The following TNPO3 variants were observed in gnomAD, a reference collection of about 807,000 sequenced individuals.
TNPO3 encodes the protein transportin 3.
In TNPO3, 65 loss-of-function variants were observed where a neutral mutation model predicts 122.8. The ratio of observed to expected loss-of-function variants is 0.53; its 90% CI spans 0.43 to 0.65. The LOEUF (loss-of-function observed/expected upper bound fraction) is 0.65. Ranked by LOEUF, TNPO3 falls within the 30% of genes least tolerant of loss-of-function variation. The pLI is 0.00. For missense variants in TNPO3, 850 were observed against 1,136.7 expected (o/e 0.75, Z 3.63); for synonymous variants, 372 against 411.2 (o/e 0.90, Z 1.15).
At chr7:128,982,682 T>C (rs1799749926) in intron 13 of TNPO3, among the ~76,000 whole-genome samples, 1 of 152,044 alleles carries the variant, frequency 6.6e-6, no homozygotes, top group African/African-American at 2.4e-5. Flanking sequence ...ATGTAAAAGA[T>C]TATATATTTA....
chr7:129,034,501 G>A (rs1472373766), intron 1 of TNPO3, among the ~76,000 whole-genome samples: 2 of 152,054 alleles, frequency 1.3e-5, no homozygotes, highest in Non-Finnish European at 2.9e-5. Flanking sequence ...GCAAGACCCT[G>A]TCTTGGAAAA....
intron 1 of TNPO3, among the ~76,000 whole-genome samples, chr7:129,053,351 C>T (rs1001325131): frequency 3.4e-5 from 5 of 148,084 alleles, no homozygotes; most frequent in African/African-American, 1.0e-4. Context: ...AAAAATTAGT[C>T]GGGTGTCAGG....
At chr7:129,027,584 A>C (rs566674537) in intron 1 of TNPO3, among the ~76,000 whole-genome samples, 2,365 of 136,576 alleles carry the variant, frequency 0.017, 88 homozygotes, top group Non-Finnish European at 0.026. Context: ...AAAAAAAAAA[A>C]AAAAAAACAA....
At chr7:129,031,102 C>G (rs1456700331) in intron 1 of TNPO3, among the ~76,000 whole-genome samples, 1 of 151,998 alleles carries the variant, frequency 6.6e-6, no homozygotes, top group Non-Finnish European at 1.5e-5. Context: ...CTGGCCAACA[C>G]GTTGAAACCC....
At chr7:129,031,020 A>G (rs1283330082) in intron 1 of TNPO3, among the ~76,000 whole-genome samples, 1 of 152,256 alleles carries the variant, frequency 6.6e-6, no homozygotes, top group Non-Finnish European at 1.5e-5. Flanking sequence ...GCAGTGGCTC[A>G]TGCCTGTTAA....
At chr7:129,043,949 T>C (rs1807710024) in intron 1 of TNPO3, among the ~76,000 whole-genome samples, 1 of 152,242 alleles carries the variant, frequency 6.6e-6, no homozygotes, top group African/African-American at 2.4e-5. Context: ...TATTTCTGCC[T>C]ACCTGCTCAG....
At chr7:128,967,154 A>G (rs1212162431) in intron 21 of TNPO3, 126 bp downstream of exon 21, 1 of 652,926 alleles carries the variant, frequency 1.5e-6, no homozygotes, top group Non-Finnish European at 2.7e-6. Flanking sequence ...TTGGCTTCCA[A>G]TGCCAATTTG....
chr7:128,982,450 T>C (rs1253076563), intron 13 of TNPO3, 126 bp from the exon 14 acceptor site: 3 of 729,738 alleles, frequency 4.1e-6, no homozygotes, highest in Non-Finnish European at 6.4e-6. Flanking sequence ...TAAAAGTATA[T>C]AAACTCCTAA....
In TNPO3 at chr7:129,054,844, G is replaced by T; in HGVS notation, c.-74C>A. ...GATTCCTCGGTTGCTCCGCCTTCGC[G>T]CTTCCTCACTGTCTGGGCCACGGCC... On this transcript the variant is annotated 5_prime_UTR_variant, in exon 1 of 23. Coordinates refer to ENST00000265388, the MANE Select transcript of TNPO3 (RefSeq NM_012470.4). 1.2e-6 allele frequency: 2 copies of T among 1,600,502 alleles called. No individual in the cohort carries two copies. Among genetic ancestry groups the T allele is most frequent in the Non-Finnish European group, 1.7e-6 (2 of 1,172,488 alleles).
Position 129,014,989 on chromosome 7 carries a change from A to G in TNPO3, c.542T>C (p.Val181Ala). ...TTCAAACTTACTCACCAATAGAGAT[A>G]CTACTGTACTAGAGTAGAAGGCCAA... ...EDLAFYSSTV[V>A]SLLMTCVEKA... Residue 181 changes from valine (V) to alanine (A), a missense_variant, in exon 4 of 23, where the codon GTA (valine) becomes GCA (alanine). By Grantham distance (64) the Val-to-Ala change is moderately conservative (BLOSUM62 0). Coordinates refer to ENST00000265388, the MANE Select transcript of TNPO3 (RefSeq NM_012470.4). 1 of 1,595,458 alleles carries G rather than the reference A, an allele frequency of 6.3e-7. No individual in the cohort carries two copies. The highest frequency in any genetic ancestry group is 1.2e-5 in the South Asian group (1 of 86,572).
intron 1 of TNPO3, among the ~76,000 whole-genome samples, chr7:129,046,444 T>C (rs1344168157): frequency 6.6e-6 from 1 of 152,160 alleles, no homozygotes; most frequent in Non-Finnish European, 1.5e-5. Context: ...CTAGAAGGCT[T>C]TCCTTTCAAA....
intron 14 of TNPO3, among the ~76,000 whole-genome samples, chr7:128,981,774 G>A (rs922152983): frequency 2.6e-4 from 39 of 151,298 alleles, no homozygotes; most frequent in Non-Finnish European, 2.1e-4. Flanking sequence ...TGTCACCCCG[G>A]CTAGAGTGCA....
At chr7:128,989,630 T>C (rs887326774) in intron 11 of TNPO3, among the ~76,000 whole-genome samples, 4 of 152,176 alleles carry the variant, frequency 2.6e-5, no homozygotes, top group Non-Finnish European at 4.4e-5. Flanking sequence ...TAGCTTCTAG[T>C]ATGTTAAAAT....
At chr7:129,035,004 G>C (rs1402916866) in intron 1 of TNPO3, among the ~76,000 whole-genome samples, 1 of 151,924 alleles carries the variant, frequency 6.6e-6, no homozygotes, top group Non-Finnish European at 1.5e-5. Context: ...GCCGGGCGCG[G>C]TGGCTCACGC....
rs1385555118 is a variant in TNPO3 at position 129,055,058 on chromosome 7, G to C, written c.-288C>G. 1 of 399,682 alleles carries C rather than the reference G, an allele frequency of 2.5e-6. No homozygotes were observed. Among genetic ancestry groups the C allele is most frequent in the Non-Finnish European group, 4.7e-6 (1 of 212,224 alleles). The allele number at this position is 399,682 out of a possible 1,614,324, so 24.8% of individuals were successfully genotyped here. ...CGCTCCCGTCTTCAGTCGCTGACTT[G>C]CCCTCAGAAGCCTATCTTGGGAGGC... On this transcript the variant is annotated 5_prime_UTR_variant, in exon 1 of 23. Transcript: ENST00000265388.
chr7:128,968,042 A>G (rs1225017415), intron 20 of TNPO3, among the ~76,000 whole-genome samples: 1 of 152,166 alleles, frequency 6.6e-6, no homozygotes, highest in Non-Finnish European at 1.5e-5. Flanking sequence ...CTTGACCAGT[A>G]TATTTTTAAA....
chr7:129,013,828 G>A (rs1322215757), intron 4 of TNPO3, among the ~76,000 whole-genome samples: 1 of 152,120 alleles, frequency 6.6e-6, no homozygotes, highest in Non-Finnish European at 1.5e-5. Context: ...CAACATGGAC[G>A]GCACTGTTAG....
intron 16 of TNPO3, among the ~76,000 whole-genome samples, chr7:128,977,418 G>A (rs1290393103): frequency 1.3e-5 from 2 of 152,188 alleles, no homozygotes; most frequent in African/African-American, 2.4e-5. Context: ...AGTGAAAGTA[G>A]AGAAATCACT....
In TNPO3 at chr7:129,054,827, G is replaced by T. The variant is rs1414754146; in HGVS notation, c.-57C>A. 6.2e-7 allele frequency: 1 copy of T among 1,610,310 alleles called. No homozygotes were observed. The highest frequency in any genetic ancestry group is 8.5e-7 in the Non-Finnish European group (1 of 1,178,250). ...CTGATTCTTCTCCGGAGGATTCCTCGGTTGCTCCGCCTTCGCGCTTCCTCA... is the reference window on the plus strand; with the variant it reads ...CTGATTCTTCTCCGGAGGATTCCTCTGTTGCTCCGCCTTCGCGCTTCCTCA... On this transcript the variant is annotated 5_prime_UTR_variant, in exon 1 of 23. Coordinates refer to ENST00000265388, the MANE Select transcript of TNPO3 (RefSeq NM_012470.4).
Sources: allele counts gnomAD v4.1 joint callset (sites outside exome capture counted in the v4.1 genomes callset), GRCh38; gene constraint gnomAD v4.1.1; transcripts MANE v1.5; gene names NCBI Gene and HGNC (gene_info 2026-07-23, HGNC 2026-07-21).